ARHGAP28: variants seen among roughly 807,000 people sequenced by gnomAD.
ARHGAP28 encodes the protein rho GTPase-activating protein 28.
ARHGAP28 carries 56 observed loss-of-function variants against 90.7 expected under a neutral mutation model. That is an observed-to-expected ratio of 0.62 (90% CI 0.50 to 0.77). The LOEUF (loss-of-function observed/expected upper bound fraction) is 0.77, where lower values mean the gene tolerates loss of function less well. ARHGAP28 is among the 30% of genes least tolerant of loss of function. ARHGAP28 has a pLI of 0.00. For missense variants in ARHGAP28, 869 were observed against 900.9 expected (o/e 0.96, Z 0.45); for synonymous variants, 308 against 323.3 (o/e 0.95, Z 0.51).
chr18:6,870,661 A>G lies in ARHGAP28; in HGVS notation c.883A>G (p.Met295Val). 4 of 1,612,558 alleles carry G rather than the reference A, an allele frequency of 2.5e-6. No homozygotes were observed. Among genetic ancestry groups the G allele is most frequent in the Non-Finnish European group, 3.4e-6 (4 of 1,178,862 alleles). ...ELSFEVSYSE[M>V]VTEALKRNKL... Reference sequence around the variant, plus strand: ...GTCATTTGAAGTGTCTTATTCAGAAATGGTTACGGAGGCTCTAAAAAGAAA... The same window carrying G: ...GTCATTTGAAGTGTCTTATTCAGAAGTGGTTACGGAGGCTCTAAAAAGAAA... Residue 295 changes from methionine (M) to valine (V), a missense_variant, in exon 7 of 18, where the codon ATG becomes GTG. Transcript: ENST00000383472.
chr18:6,810,904 G>A (rs184845142), intron 1 of ARHGAP28, among the ~76,000 whole-genome samples: 1 of 152,150 alleles, frequency 6.6e-6, no homozygotes, highest in African/African-American at 2.4e-5. Flanking sequence ...CAAATAAGTG[G>A]CACTAGCATT....
intron 1 of ARHGAP28, among the ~76,000 whole-genome samples, chr18:6,762,442 G>A (rs561991161): frequency 9.2e-5 from 14 of 152,314 alleles, no homozygotes; most frequent in African/African-American, 3.4e-4. Flanking sequence ...GCAAAAGGAT[G>A]TAATTTCATT....
chr18:6,786,992 G>A (rs974091458), intron 1 of ARHGAP28, among the ~76,000 whole-genome samples: 2 of 151,912 alleles, frequency 1.3e-5, no homozygotes, highest in East Asian at 1.9e-4. Flanking sequence ...GGCTGATGCC[G>A]ACGGATCACC....
In ARHGAP28 at chr18:6,851,160, A is replaced by T. The variant is rs372640325; in HGVS notation, c.636+34A>T. On this transcript the variant is annotated intron_variant, in intron 4 of 17. Coordinates refer to ENST00000383472, the MANE Select transcript of ARHGAP28 (RefSeq NM_001366230.1). ...TAGTTGTGGGGGGATGGTGGTAGGC[A>T]TGAAATAAGCCATTTCTTCAAGATG... 160 of 1,587,900 alleles carry T rather than the reference A, an allele frequency of 1.0e-4. 3 individuals carry two copies. In the South Asian group the frequency reaches 1.7e-3, roughly 17 times the overall value.
chr18:6,816,165 T>C (rs903246678), intron 1 of ARHGAP28, among the ~76,000 whole-genome samples: 3 of 151,950 alleles, frequency 2.0e-5, no homozygotes, highest in African/African-American at 4.8e-5. Context: ...AAGAAGAGAG[T>C]TGGGAGCCTG....
intron 17 of ARHGAP28, among the ~76,000 whole-genome samples, chr18:6,911,054 C>T (rs754293946): frequency 3.9e-5 from 6 of 151,916 alleles, no homozygotes; most frequent in Non-Finnish European, 1.5e-5. Context: ...CAGGATGGTC[C>T]CGATCTCCTG....
chr18:6,823,682 T>C (rs1337249225), intron 1 of ARHGAP28, among the ~76,000 whole-genome samples: 1 of 151,842 alleles, frequency 6.6e-6, no homozygotes, highest in East Asian at 1.9e-4. Flanking sequence ...ACATATTTTC[T>C]AGTATTACCT....
At chr18:6,784,783 T>C (rs1266898279) in intron 1 of ARHGAP28, among the ~76,000 whole-genome samples, 1 of 152,236 alleles carries the variant, frequency 6.6e-6, no homozygotes, top group Non-Finnish European at 1.5e-5. Context: ...TAAAATCCTT[T>C]GAAATGTGTT....
At chr18:6,836,556 C>G (rs188941326) in intron 2 of ARHGAP28, among the ~76,000 whole-genome samples, 3 of 151,944 alleles carry the variant, frequency 2.0e-5, no homozygotes, top group African/African-American at 7.3e-5. Flanking sequence ...GAAGTCACCA[C>G]CAAGAGGTGA....
At chr18:6,756,966 C>T (rs996158286) in intron 1 of ARHGAP28, among the ~76,000 whole-genome samples, 35 of 152,270 alleles carry the variant, frequency 2.3e-4, no homozygotes, top group African/African-American at 7.2e-4. Context: ...GGTGGGTCTG[C>T]CTCTTTCAGT....
rs796720762 is a variant in ARHGAP28 at position 6,744,160 on chromosome 18, A to T, written c.122+14217A>T. On this transcript the variant is annotated intron_variant, in intron 1 of 17. Transcript: ENST00000383472. Reference sequence around the variant, plus strand: ...AGGAGTCGATAGCTCAATTAAATCTAAAGAGTGAGCATGAGTTAGTAGGGG... The same window carrying T: ...AGGAGTCGATAGCTCAATTAAATCTTAAGAGTGAGCATGAGTTAGTAGGGG... Among the ~76,000 whole-genome samples, 165 of 152,324 alleles carry T rather than the reference A, an allele frequency of 1.1e-3. 3 individuals carry two copies. Among genetic ancestry groups the T allele is most frequent in the African/African-American group, 3.8e-3 (159 of 41,572 alleles).
chr18:6,816,943 A>C (rs534824583), intron 1 of ARHGAP28, among the ~76,000 whole-genome samples: 3 of 151,748 alleles, frequency 2.0e-5, no homozygotes, highest in Non-Finnish European at 4.4e-5. Context: ...AAAAAAAATT[A>C]GCCAGGTGTG....
rs182401071 is a variant in ARHGAP28 at position 6,760,006 on chromosome 18, A to G, written c.122+30063A>G. On this transcript the variant is annotated intron_variant, in intron 1 of 17. Coordinates refer to ENST00000383472, the MANE Select transcript of ARHGAP28 (RefSeq NM_001366230.1). ...TTTAGGAGAAACTTGTGATCAAAAC[A>G]TTTGCAGCAGGAGTTCAAACAAAGA... is the stretch of plus-strand genomic sequence containing the variant. Among the ~76,000 whole-genome samples, 281 of 152,310 alleles carry G rather than the reference A, an allele frequency of 1.8e-3. 5 individuals are homozygous for G. Among genetic ancestry groups the G allele is most frequent in the Non-Finnish European group, 3.4e-4 (23 of 68,028 alleles).
At chr18:6,822,183 A>C (rs547248715) in intron 1 of ARHGAP28, among the ~76,000 whole-genome samples, 1 of 152,342 alleles carries the variant, frequency 6.6e-6, no homozygotes, top group South Asian at 2.1e-4. Flanking sequence ...AAACACTTAT[A>C]CTGCATTATA....
intron 12 of ARHGAP28, 116 bp downstream of exon 12, chr18:6,887,355 A>G (rs964743139): frequency 1.2e-5 from 10 of 864,776 alleles, no homozygotes; most frequent in Admixed American, 2.0e-5. Flanking sequence ...AGCATGCTGC[A>G]AACACACGGC....
At chr18:6,855,091 C>T (rs1027781269) in intron 4 of ARHGAP28, among the ~76,000 whole-genome samples, 1 of 152,224 alleles carries the variant, frequency 6.6e-6, no homozygotes, top group African/African-American at 2.4e-5. Context: ...TCAGCAGGAA[C>T]AGCCTGGGCA....
intron 1 of ARHGAP28, among the ~76,000 whole-genome samples, chr18:6,814,277 G>A (rs1815490473): frequency 6.6e-6 from 1 of 152,154 alleles, no homozygotes; most frequent in Non-Finnish European, 1.5e-5. Flanking sequence ...CTCAGGGAAA[G>A]CCTGTGAAGC....
At chr18:6,776,472 A>T (rs973326395) in intron 1 of ARHGAP28, among the ~76,000 whole-genome samples, 22 of 152,172 alleles carry the variant, frequency 1.4e-4, no homozygotes, top group African/African-American at 5.3e-4. Context: ...CAGCCATTCA[A>T]GTCTCCCTGA....
intron 1 of ARHGAP28, among the ~76,000 whole-genome samples, chr18:6,806,637 A>G (rs573980243): frequency 7.7e-4 from 117 of 152,060 alleles, no homozygotes; most frequent in African/African-American, 2.7e-3. Context: ...GTTTTAAACA[A>G]TCAATTTTAA....
Sources: allele counts gnomAD v4.1 joint callset (sites outside exome capture counted in the v4.1 genomes callset), GRCh38; gene constraint gnomAD v4.1.1; transcripts MANE v1.5; gene names NCBI Gene and HGNC (gene_info 2026-07-23, HGNC 2026-07-21).